The following ABCB1 variants were observed in gnomAD, a reference collection of about 807,000 sequenced individuals.
ABCB1 encodes the protein ATP binding cassette subfamily B member 1.
Under a neutral mutation model 142.0 loss-of-function variants are expected in ABCB1, and 69 were observed. The ratio of observed to expected loss-of-function variants is 0.49; its 90% confidence interval spans 0.40 to 0.59. The LOEUF (loss-of-function observed/expected upper bound fraction) is 0.59, where lower values mean the gene tolerates loss of function less well. Ranked by LOEUF, ABCB1 falls within the 20% of genes least tolerant of loss-of-function variation. The pLI is 0.00. For missense variants in ABCB1, 1,326 were observed against 1,554.7 expected, an observed-to-expected ratio of 0.85 and a Z score of 2.47; for synonymous variants, 532 against 539.2, an observed-to-expected ratio of 0.99 and a Z score of 0.18.
At position 87,553,812 on chromosome 7, in the gene ABCB1, A is replaced by G. The variant is rs757122342; in HGVS notation, c.948T>C (p.Tyr316=). Residue 316 remains tyrosine, a synonymous_variant, in exon 9 of 28, where the codon TAT becomes TAC. Coordinates refer to ENST00000622132, the MANE Select transcript of ABCB1 (RefSeq NM_001348946.2). ...CCCCTGAGAGGACCAAGGTGGTCCC[A>G]TACCAGAAGGCCAGAGCATAAGATG... ...IYASYALAFW[Y]GTTLVLSGEY... is the part of the protein sequence containing the mutation. 4.5e-5 allele frequency: 73 copies of G among 1,614,080 alleles called. No homozygotes were observed. In the Middle Eastern group the frequency reaches 8.2e-4, roughly 18 times the overall value.
At chr7:87,705,047 A>G (rs1193558673) in intron 1 of ABCB1, among the ~76,000 whole-genome samples, 2 of 152,216 alleles carry the variant, frequency 1.3e-5, no homozygotes, top group African/African-American at 2.4e-5. Context: ...TATCACAATT[A>G]TATCACAATT....
chr7:87,598,773 G>A (rs1819317747), intron 2 of ABCB1, among the ~76,000 whole-genome samples: 1 of 152,118 alleles, frequency 6.6e-6, no homozygotes, highest in Non-Finnish European at 1.5e-5. Context: ...CCCAGAGTTG[G>A]CCATTGGAAG....
intron 19 of ABCB1, chr7:87,536,895 G>C: frequency 3.4e-6 from 1 of 298,362 alleles, no homozygotes; most frequent in Non-Finnish European, 6.4e-6. Context: ...AGTGAGGGGA[G>C]GTGCTATTTT....
intron 1 of ABCB1, among the ~76,000 whole-genome samples, chr7:87,657,722 T>C (rs1824256092): frequency 6.6e-6 from 1 of 152,136 alleles, no homozygotes; most frequent in Non-Finnish European, 1.5e-5. Context: ...TGTCTTTCAC[T>C]GTCACCCAGT....
chr7:87,519,950 A>C (rs1191957318), intron 22 of ABCB1, among the ~76,000 whole-genome samples: 1 of 152,192 alleles, frequency 6.6e-6, no homozygotes, highest in African/African-American at 2.4e-5. Flanking sequence ...TATGCATTAG[A>C]GGTGCCTTAT....
chr7:87,647,508 T>C (rs1823130351), intron 1 of ABCB1, among the ~76,000 whole-genome samples: 1 of 152,206 alleles, frequency 6.6e-6, no homozygotes, highest in Non-Finnish European at 1.5e-5. Flanking sequence ...TTTTGGAAAA[T>C]ATAAGTTTCA....
At position 87,553,904 on chromosome 7, in the gene ABCB1, T is replaced by G; in HGVS notation, c.856A>C (p.Arg286=). 6.2e-7 allele frequency: 1 copy of G among 1,613,974 alleles called. No homozygotes were observed. Among genetic ancestry groups the G allele is most frequent in the South Asian group, 1.1e-5 (1 of 91,076 alleles). ...GTAATAGCTTTCTTTATCCCAATTC[T>G]TTTAGCTTCTTCTAAATTTTTGTTG... ...RYNKNLEEAK[R]IGIKKAITAN... The change falls in exon 9 of 28, where the codon AGA becomes CGA. Residue 286 remains arginine (R), a synonymous_variant. Coordinates refer to ENST00000622132, the MANE Select transcript of ABCB1 (RefSeq NM_001348946.2).
At chr7:87,585,430 A>T in intron 4 of ABCB1, 82 bp downstream of exon 4, 2 of 1,400,948 alleles carry the variant, frequency 1.4e-6, no homozygotes, top group Non-Finnish European at 2.0e-6. Flanking sequence ...ATGTGTATTT[A>T]GTAAAGAATC....
intron 1 of ABCB1, chr7:87,700,347 T>C: frequency 7.8e-7 from 1 of 1,276,746 alleles, no homozygotes; most frequent in Non-Finnish European, 1.1e-6. Flanking sequence ...TTTCAGAATT[T>C]TATTGTTCTT....
At chr7:87,657,076 T>G (rs1189295623) in intron 1 of ABCB1, among the ~76,000 whole-genome samples, 1 of 152,076 alleles carries the variant, frequency 6.6e-6, no homozygotes, top group Non-Finnish European at 1.5e-5. Context: ...TTTCTCTCAC[T>G]AAGTACAATA....
chr7:87,567,987 T>C (rs1357887799), intron 5 of ABCB1, among the ~76,000 whole-genome samples: 1 of 151,374 alleles, frequency 6.6e-6, no homozygotes, highest in Non-Finnish European at 1.5e-5. Flanking sequence ...CCCAGCTACT[T>C]GGTTACTTGG....
At chr7:87,675,827 A>G (rs995188439) in intron 1 of ABCB1, among the ~76,000 whole-genome samples, 3 of 152,064 alleles carry the variant, frequency 2.0e-5, no homozygotes, top group African/African-American at 7.2e-5. Context: ...ATAGGGGAAA[A>G]GCTAATTGAC....
At position 87,544,870 on chromosome 7, in the gene ABCB1, G is replaced by A. The variant is rs200859389; in HGVS notation, c.2017C>T (p.Arg673Cys). The A allele has an allele frequency of 5.6e-6, 9 of 1,613,896 alleles. No individual in the cohort carries two copies. Among genetic ancestry groups the A allele is most frequent in the Non-Finnish European group, 7.6e-6 (9 of 1,180,020 alleles). ...TTTCTGTCTTGGGCTTGTGATCCAC[G>A]GACACTCCTACGAGTTGATCTTTTT... ...IRKRSTRRSV[R>C]GSQAQDRKLS... Residue 673 changes from arginine (R) to cysteine (C), a missense_variant, in exon 16 of 28, where the codon CGT (arginine) becomes TGT (cysteine). By Grantham distance (180) the Arg-to-Cys change is radical. Coordinates refer to ENST00000622132, the MANE Select transcript of ABCB1 (RefSeq NM_001348946.2).
intron 3 of ABCB1, among the ~76,000 whole-genome samples, chr7:87,590,027 C>T (rs865784166): frequency 6.6e-6 from 1 of 152,264 alleles, no homozygotes; most frequent in Middle Eastern, 3.4e-3. Flanking sequence ...AGGTAACATT[C>T]ACCAGATTAG....
chr7:87,657,782 C>G (rs1824260777), intron 1 of ABCB1, among the ~76,000 whole-genome samples: 1 of 152,224 alleles, frequency 6.6e-6, no homozygotes, highest in South Asian at 2.1e-4. Context: ...ATGTAGGAAG[C>G]CTGGACTCCA....
At chr7:87,578,593 A>G (rs1818370741) in intron 4 of ABCB1, among the ~76,000 whole-genome samples, 1 of 151,468 alleles carries the variant, frequency 6.6e-6, no homozygotes, top group Non-Finnish European at 1.5e-5. Flanking sequence ...TTTTACATCA[A>G]TGTTCTACAG....
chr7:87,554,694 T>A (rs1387815762), intron 8 of ABCB1, among the ~76,000 whole-genome samples: 1 of 152,228 alleles, frequency 6.6e-6, no homozygotes, highest in African/African-American at 2.4e-5. Flanking sequence ...ACACTTGTCA[T>A]GCCATAGCTG....
At chr7:87,509,815 T>C (rs1814925963) in intron 25 of ABCB1, among the ~76,000 whole-genome samples, 3 of 152,162 alleles carry the variant, frequency 2.0e-5, no homozygotes, top group Admixed American at 2.0e-4. Flanking sequence ...AAGTAGTAGA[T>C]GTAAGGTTGC....
intron 15 of ABCB1, among the ~76,000 whole-genome samples, chr7:87,545,653 C>T (rs1432216229): frequency 6.6e-6 from 1 of 152,148 alleles, no homozygotes; most frequent in African/African-American, 2.4e-5. Context: ...ACCTTGAAAC[C>T]TTTTAATTTT....
Sources: allele counts gnomAD v4.1 joint callset (sites outside exome capture counted in the v4.1 genomes callset), GRCh38; gene constraint gnomAD v4.1.1; transcripts MANE v1.5; gene names NCBI Gene and HGNC (gene_info 2026-07-23, HGNC 2026-07-21).